Variants in PDE4DIP observed in about 807,000 individuals in gnomAD.
PDE4DIP encodes myomegalin.
PDE4DIP carries 59 observed loss-of-function variants against 221.4 expected under a neutral mutation model. That is an observed-to-expected ratio of 0.27 (90% CI 0.22 to 0.33). The LOEUF is 0.33. PDE4DIP is among the 10% of genes least tolerant of loss of function. PDE4DIP has a pLI of 1.00. For missense variants in PDE4DIP, 1,036 were observed against 2,154.2 expected (o/e 0.48, Z 10.28); for synonymous variants, 404 against 815.9 (o/e 0.50, Z 8.60).
At chr1:148,932,465 G>GA in intron 4 of PDE4DIP, 177 bp downstream of exon 7, 1 of 1,569,562 alleles carries the variant, frequency 6.4e-7, no homozygotes, top group Admixed American at 1.7e-5. Context: ...TATCCATTAT[G>GA]AAAACTCACT....
intron 1 of PDE4DIP, among the ~76,000 whole-genome samples, chr1:148,892,182 G>A: frequency 8.3e-6 from 1 of 120,146 alleles, no homozygotes; most frequent in Middle Eastern, 3.9e-3. Context: ...TTTAATAGAG[G>A]CGGGGTTTTA....
chr1:148,950,103 G>A (rs1165910522), intron 5 of PDE4DIP, among the ~76,000 whole-genome samples: 1 of 152,014 alleles, frequency 6.6e-6, no homozygotes, highest in East Asian at 1.9e-4. Flanking sequence ...TATAATTCAG[G>A]GTTTGCTCTT....
In PDE4DIP at chr1:149,020,937, A is replaced by G. The variant is rs1291860247; in HGVS notation, c.5961-92A>G. 2.0e-4 allele frequency: 147 copies of G among 727,876 alleles called. 2 individuals carry two copies. Among genetic ancestry groups the G allele is most frequent in the Non-Finnish European group, 2.9e-4 (126 of 440,732 alleles). 45.1% of individuals were successfully genotyped at this position (727,876 alleles called of 1,614,324 possible). ...GTAACCCTAACTGTAACCCTTTATG[A>G]CCCTCTGAGTTGACATCTGGCTCTC... On this transcript the variant is annotated intron_variant, in intron 36 of 43. Transcript: ENST00000369354.
At position 148,978,061 on chromosome 1, in the gene PDE4DIP, A is replaced by G. The variant is rs2060503334; in HGVS notation, c.2436+8A>G. 1.1e-5 allele frequency: 18 copies of G among 1,610,254 alleles called. No homozygotes were observed. In the African/African-American group the frequency reaches 1.9e-4, roughly 17 times the overall value. ...AAAGAAGATCTCATAAAGGTCTTTC[A>G]AAACTTTTTAAAGACCACTGGAAAT... On this transcript the variant is annotated splice_region_variant and intron_variant, in intron 18 of 43. Coordinates refer to ENST00000369354, the Ensembl canonical transcript of PDE4DIP.
At chr1:149,010,668 C>G in intron 31 of PDE4DIP, 73 bp downstream of exon 34, 1 of 1,501,254 alleles carries the variant, frequency 6.7e-7, no homozygotes, top group Non-Finnish European at 9.2e-7. Context: ...TCTTCAACGA[C>G]AGAGGTTTGG....
intron 36 of PDE4DIP, chr1:149,020,723 C>T: frequency 2.5e-6 from 1 of 395,838 alleles, no homozygotes; most frequent in South Asian, 4.3e-5. Flanking sequence ...AACTGCTTGT[C>T]AGAATGCAAA....
chr1:149,000,432 G>A (rs1553573761), intron 23 of PDE4DIP, among the ~76,000 whole-genome samples: 1 of 151,950 alleles, frequency 6.6e-6, no homozygotes, highest in African/African-American at 2.4e-5. Flanking sequence ...GCACGTGCCT[G>A]TAGTCCCAGC....
intron 6 of PDE4DIP, among the ~76,000 whole-genome samples, chr1:148,961,428 A>G (rs1311149497): frequency 3.3e-5 from 5 of 151,986 alleles, no homozygotes; most frequent in African/African-American, 1.2e-4. Flanking sequence ...TCTGGCTTAG[A>G]AGAAAATTGC....
At chr1:149,029,974 T>A in intron 42 of PDE4DIP, 49 bp downstream of exon 45, 1 of 741,832 alleles carries the variant, frequency 1.3e-6, no homozygotes. Context: ...GTCTTCCCGA[T>A]GCCCCACTTG....
exon 44 of PDE4DIP, chr1:149,032,060 C>A (rs1341134160): frequency 8.1e-6 from 13 of 1,610,118 alleles, no homozygotes; most frequent in Non-Finnish European, 8.5e-6. Flanking sequence ...GTGGGCCTGT[C>A]CCCCTTTTGT....
At chr1:148,951,636 A>C (rs2053278995) in intron 5 of PDE4DIP, among the ~76,000 whole-genome samples, 1 of 151,244 alleles carries the variant, frequency 6.6e-6, no homozygotes, top group Admixed American at 6.6e-5. Context: ...AATGGTGGTA[A>C]TCTACTCGCG....
chr1:149,000,018 C>A (rs1266678949), intron 23 of PDE4DIP, among the ~76,000 whole-genome samples: 2 of 151,698 alleles, frequency 1.3e-5, no homozygotes, highest in Non-Finnish European at 2.9e-5. Context: ...TTTCCACATC[C>A]CAGTTTTGGT....
intron 30 of PDE4DIP, 115 bp from the exon 34 acceptor site, chr1:149,010,328 T>C (rs1553603950): frequency 1.3e-6 from 1 of 757,544 alleles, no homozygotes; most frequent in Non-Finnish European, 2.2e-6. Flanking sequence ...TGCTTGTGCT[T>C]GGTTCTTTCC....
chr1:148,952,175 A>G (rs1407437809), intron 5 of PDE4DIP: 3 of 1,036,668 alleles, frequency 2.9e-6, no homozygotes, highest in Non-Finnish European at 3.5e-6. Flanking sequence ...AGCAGATGAA[A>G]GCGGCTGGCT....
At chr1:149,013,664 T>C (rs1379487497) in intron 32 of PDE4DIP, among the ~76,000 whole-genome samples, 1 of 102,970 alleles carries the variant, frequency 9.7e-6, no homozygotes, top group East Asian at 2.7e-4. Context: ...AGCCAGAGAC[T>C]GATAGGGTCA....
chr1:148,963,119 C>G (rs1372497468), intron 9 of PDE4DIP, among the ~76,000 whole-genome samples: 2 of 152,172 alleles, frequency 1.3e-5, no homozygotes, highest in Non-Finnish European at 2.9e-5. Context: ...GTCTCGATCT[C>G]CTGACCTCGT....
rs201187446 is a variant in PDE4DIP, at chr1:149,017,870, C to G, written c.5641C>G (p.Arg1881Gly). 8 of 1,613,014 alleles carry G rather than the reference C, an allele frequency of 5.0e-6. No individual in the cohort carries two copies. The Admixed American group carries it at 6.7e-5, about 13-fold the overall frequency. The stretch of plus-strand genomic sequence containing the variant: ...GGAACACCGGCTGACCTCTACTGCT[C>G]GTGGAAGGGGTAGGAGAGGCCCAGA... The change falls in exon 34 of 44, where the codon CGT (arginine) becomes GGT (glycine). Residue 1881 changes from arginine to glycine, a missense_variant. Arg to Gly is a moderately radical substitution (Grantham distance 125, BLOSUM62 -2). Transcript: ENST00000369354.
intron 32 of PDE4DIP, 117 bp from the exon 36 acceptor site, chr1:149,016,182 T>C: frequency 1.7e-6 from 1 of 601,206 alleles, no homozygotes; most frequent in South Asian, 2.0e-5. Context: ...TGAACTGGGA[T>C]CTCTGACATT....
intron 21 of PDE4DIP, among the ~76,000 whole-genome samples, chr1:148,987,504 T>C (rs1169373551): frequency 2.6e-5 from 4 of 152,112 alleles, no homozygotes; most frequent in Admixed American, 6.6e-5. Flanking sequence ...CAGAGTGAAA[T>C]TGGGCTGAGA....
Sources: gnomAD v4.1 joint callset for allele counts (sites outside exome capture counted in the v4.1 genomes callset) on GRCh38, gnomAD v4.1.1 for gene constraint, MANE v1.5 for transcripts, NCBI Gene and HGNC (gene_info 2026-07-23, HGNC 2026-07-21) for gene names.